FAM91A1: variants seen among roughly 807,000 people sequenced by gnomAD.
The protein encoded by FAM91A1 is protein FAM91A1.
A neutral mutation model predicts 113.5 loss-of-function variants in FAM91A1; 41 were observed. The observed-to-expected ratio is 0.36, with a 90% CI of 0.28 to 0.47. The LOEUF is 0.47. Among genes scored for constraint, FAM91A1 ranks in the 20% least tolerant of loss-of-function variants. FAM91A1 has a pLI of 1.00. For synonymous variants in FAM91A1, 307 were observed against 347.9 expected (o/e 0.88, Z 1.31); for missense variants, 696 against 1,001.2 (o/e 0.70, Z 4.11).
At chr8:123,792,348 G>A (rs1815404855) in intron 15 of FAM91A1, among the ~76,000 whole-genome samples, 1 of 152,178 alleles carries the variant, frequency 6.6e-6, no homozygotes, top group Non-Finnish European at 1.5e-5. Flanking sequence ...TGTTATACAT[G>A]GAACTAGTGT....
At chr8:123,806,478 T>G (rs1254326963) in intron 20 of FAM91A1, among the ~76,000 whole-genome samples, 4 of 152,206 alleles carry the variant, frequency 2.6e-5, no homozygotes. Context: ...TATCTGTGTT[T>G]ATTAGGCTTT....
At chr8:123,792,592 C>T (rs1001879667) in intron 15 of FAM91A1, among the ~76,000 whole-genome samples, 13 of 152,154 alleles carry the variant, frequency 8.5e-5, no homozygotes, top group African/African-American at 2.7e-4. Flanking sequence ...AATTAAACCA[C>T]ATTTGTAGGA....
intron 18 of FAM91A1, among the ~76,000 whole-genome samples, chr8:123,802,945 G>A (rs753524588): frequency 1.3e-5 from 2 of 152,198 alleles, no homozygotes; most frequent in Non-Finnish European, 2.9e-5. Context: ...TTATTGTGTT[G>A]GTAGTGGCAG....
chr8:123,770,447 T>G (rs192560884), intron 1 of FAM91A1, among the ~76,000 whole-genome samples: 4 of 152,310 alleles, frequency 2.6e-5, no homozygotes. Context: ...CGTGTGGCAT[T>G]TATCTTAAAC....
At chr8:123,802,681 G>A (rs1815715467) in intron 18 of FAM91A1, among the ~76,000 whole-genome samples, 1 of 152,204 alleles carries the variant, frequency 6.6e-6, no homozygotes, top group Non-Finnish European at 1.5e-5. Flanking sequence ...GATGAAATTA[G>A]CCAGGGAAGA....
chr8:123,800,136 T>G (rs184377700), intron 18 of FAM91A1, among the ~76,000 whole-genome samples: 291 of 152,174 alleles, frequency 1.9e-3, no homozygotes, highest in South Asian at 3.3e-3. Flanking sequence ...TGATTTTTTT[T>G]ATTTTTTTTT....
intron 23 of FAM91A1, chr8:123,810,562 C>T: frequency 3.2e-6 from 2 of 632,702 alleles, no homozygotes; most frequent in Non-Finnish European, 5.6e-6. Flanking sequence ...TCTCTTTGTT[C>T]TGTGCCAGTG....
chr8:123,797,117 A>G lies in FAM91A1; in HGVS notation c.1412-973A>G, dbSNP rs1048308382. ...CTTGAAGAAATTCAAGAGCTAATAG[A>G]TAGACACCTTGATGGAGATGGGTGC... On this transcript the variant is annotated intron_variant, in intron 15 of 23. Transcript: ENST00000334705. Among the ~76,000 whole-genome samples the G allele has an allele frequency of 2.6e-5, 4 of 152,146 alleles. No individual in the cohort carries two copies. The East Asian group carries it at 7.7e-4, about 29-fold the overall frequency.
chr8:123,786,536 G>A lies in FAM91A1; in HGVS notation c.1004G>A (p.Gly335Glu), dbSNP rs202218505. 1.5e-4 allele frequency: 243 copies of A among 1,614,020 alleles called. 2 individuals carry two copies. In the South Asian group the frequency reaches 2.6e-3, roughly 17 times the overall value. ...CAGAAGATGCTCTTGTCATGGGATG[G>A]AGGGGAAAGTAGGAGTCCTGTACAA... is the stretch of plus-strand genomic sequence containing the variant. ...DPQKMLLSWD[G>E]GESRSPVQEA... is the part of the protein sequence containing the mutation. Residue 335 changes from glycine (G) to glutamate (E), a missense_variant, in exon 12 of 24, where the codon GGA (glycine) becomes GAA (glutamate). Physicochemically the swap from Gly to Glu is moderately conservative, Grantham distance 98. Transcript: ENST00000334705.
Position 123,812,538 on chromosome 8 carries a change from A to G in FAM91A1, c.2351A>G (p.Asp784Gly), listed in dbSNP as rs1442362476. 1.3e-6 allele frequency: 2 copies of G among 1,587,864 alleles called. No homozygotes were observed. The highest frequency in any genetic ancestry group is 1.2e-5 in the South Asian group (1 of 85,698). ...TTTTAGGAAGGTGCTTCAATATTGGATATTCACACAGAGCCCAGTTTTTCA... is the reference window on the plus strand; with the variant it reads ...TTTTAGGAAGGTGCTTCAATATTGGGTATTCACACAGAGCCCAGTTTTTCA... Reference protein sequence around the residue: ...HSFQEGASILDIHTEPSFSSL... With the variant: ...HSFQEGASILGIHTEPSFSSL... The change falls in exon 24 of 24, where the codon GAT (aspartate) becomes GGT (glycine). Residue 784 changes from aspartate (D) to glycine (G), a missense_variant. Physicochemically the swap from Asp to Gly is moderately conservative, Grantham distance 94. Coordinates refer to ENST00000334705, the MANE Select transcript of FAM91A1 (RefSeq NM_144963.4).
Position 123,787,217 on chromosome 8 carries a change from G to T in FAM91A1, c.1079-44G>T, listed in dbSNP as rs187571780. On this transcript the variant is annotated intron_variant, in intron 12 of 23. Transcript: ENST00000334705. ...ACTTTCACTCCAAATGGTAAGCAAA[G>T]AATAATTTCCATTTACTTGATTTTA... The T allele has an allele frequency of 7.2e-6, 10 of 1,396,426 alleles. No individual in the cohort carries two copies. The East Asian group carries it at 2.3e-4, about 32-fold the overall frequency. 86.5% of individuals were successfully genotyped at this position (1,396,426 alleles called of 1,614,324 possible). A position where few individuals can be genotyped will look rare whatever the true frequency, so the allele number is the denominator to read the frequency against.
rs574385803 is a variant in FAM91A1 at position 123,800,732 on chromosome 8, A to G, written c.1809+847A>G. 8.5e-5 allele frequency among the ~76,000 whole-genome samples: 13 copies of G among 152,292 alleles called. No homozygotes were observed. In the East Asian group the frequency reaches 2.5e-3, roughly 29 times the overall value. On this transcript the variant is annotated intron_variant, in intron 18 of 23. Coordinates refer to ENST00000334705, the MANE Select transcript of FAM91A1 (RefSeq NM_144963.4). ...ACACTAATCTACTTGTTGTCTCTAT[A>G]GATTTGCCGAATCTGGGCATTTATG... is the stretch of plus-strand genomic sequence containing the variant.
At chr8:123,800,415 A>C (rs1332809904) in intron 18 of FAM91A1, among the ~76,000 whole-genome samples, 1 of 152,158 alleles carries the variant, frequency 6.6e-6, no homozygotes, top group East Asian at 1.9e-4. Context: ...TCGTTATACT[A>C]TACTCACCTA....
In FAM91A1 at chr8:123,814,336, TGTAA is replaced by T. The variant is rs576046651; in HGVS notation, c.*1636_*1639del. 146 of 213,462 alleles carry T rather than the reference TGTAA, an allele frequency of 6.8e-4. No homozygotes were observed. The East Asian group carries it at 0.016, about 23-fold the overall frequency. 13.2% of individuals were successfully genotyped at this position (213,462 alleles called of 1,614,324 possible). ...CTTTTACAGTTTTTCAGCTGAAAGT[TGTAA>T]GTATTTTTTTTTTTTGATCGGGGCT... On this transcript the variant is annotated 3_prime_UTR_variant, in exon 24 of 24. Coordinates refer to ENST00000334705, the MANE Select transcript of FAM91A1 (RefSeq NM_144963.4).
At chr8:123,803,668 A>G (rs1286549293) in intron 18 of FAM91A1, among the ~76,000 whole-genome samples, 1 of 152,216 alleles carries the variant, frequency 6.6e-6, no homozygotes, top group Non-Finnish European at 1.5e-5. Flanking sequence ...TGCCTTTTTA[A>G]TTAAATTTGA....
At chr8:123,792,942 A>G (rs1265417782) in intron 15 of FAM91A1, among the ~76,000 whole-genome samples, 2 of 152,192 alleles carry the variant, frequency 1.3e-5, no homozygotes, top group Non-Finnish European at 2.9e-5. Context: ...TGAATTATCA[A>G]TCAGAACAAA....
intron 8 of FAM91A1, among the ~76,000 whole-genome samples, chr8:123,782,761 A>G (rs1815155408): frequency 6.6e-6 from 1 of 152,250 alleles, no homozygotes; most frequent in Non-Finnish European, 1.5e-5. Flanking sequence ...GACAAATGCT[A>G]GCACTGTTTC....
intron 15 of FAM91A1, among the ~76,000 whole-genome samples, chr8:123,797,018 G>A (rs1329945884): frequency 2.0e-5 from 3 of 151,534 alleles, no homozygotes; most frequent in East Asian, 2.0e-4. Context: ...CCGAGATGGC[G>A]CCACTGCACT....
chr8:123,813,169 A>G lies in FAM91A1; in HGVS notation c.*465A>G, dbSNP rs1816000010. 6.5e-6 allele frequency: 1 copy of G among 152,840 alleles called. No individual in the cohort carries two copies. The highest frequency in any genetic ancestry group is 2.1e-4 in the South Asian group (1 of 4,838). The allele number at this position is 152,840 out of a possible 1,614,324, so 9.5% of individuals were successfully genotyped here. A position where few individuals can be genotyped will look rare whatever the true frequency, so the allele number is the denominator to read the frequency against. On this transcript the variant is annotated 3_prime_UTR_variant, in exon 24 of 24. Transcript: ENST00000334705. ...CTTAAAGTAGTAAAACTATAAAACA[A>G]TAAACATCCAGTATTGAGAGATGAT...
Sources: allele counts gnomAD v4.1 joint callset (sites outside exome capture counted in the v4.1 genomes callset), GRCh38; gene constraint gnomAD v4.1.1; transcripts MANE v1.5; gene names NCBI Gene and HGNC (gene_info 2026-07-23, HGNC 2026-07-21).